The following SAMD5 variants were observed in gnomAD, a reference collection of about 807,000 sequenced individuals.
The protein encoded by SAMD5 is sterile alpha motif domain-containing protein 5.
SAMD5 carries 13 observed loss-of-function variants against 11.3 expected under a neutral mutation model. The ratio of observed to expected loss-of-function variants is 1.15; its 90% CI spans 0.75 to 1.83. The LOEUF (loss-of-function observed/expected upper bound fraction) is 1.83, where lower values mean the gene tolerates loss of function less well. SAMD5 is among the 40% of genes most tolerant of loss of function. SAMD5 has a pLI of 0.00. For missense variants in SAMD5, 255 were observed against 239.1 expected (o/e 1.07, Z -0.44); for synonymous variants, 129 against 111.3 (o/e 1.16, Z -1.00).
chr6:147,942,701 G>C, the SAMD5 span, among the ~76,000 whole-genome samples: 117,571 of 152,194 alleles, frequency 0.77, 45,955 homozygotes, highest in Non-Finnish European at 0.84. Flanking sequence ...AAGAGAATCC[G>C]CAATTAGACA....
At chr6:147,872,821 C>T in the SAMD5 span, among the ~76,000 whole-genome samples, 21 of 152,264 alleles carry the variant, frequency 1.4e-4, no homozygotes, top group African/African-American at 5.1e-4. Flanking sequence ...GGGTCAGTAC[C>T]ACCTGATGCC....
chr6:147,877,669 A>T, the SAMD5 span, among the ~76,000 whole-genome samples: 1 of 152,018 alleles, frequency 6.6e-6, no homozygotes, highest in Non-Finnish European at 1.5e-5. Context: ...TCATGTGGGT[A>T]GTCTTTATCC....
intron 1 of SAMD5, among the ~76,000 whole-genome samples, chr6:147,512,949 T>C (rs1430175287): frequency 6.6e-6 from 1 of 152,198 alleles, no homozygotes; most frequent in African/African-American, 2.4e-5. Context: ...TCTCAGTTTT[T>C]CCAGAACTGG....
intron 1 of SAMD5, among the ~76,000 whole-genome samples, chr6:147,640,786 C>A (rs577064724): frequency 2.6e-4 from 40 of 152,236 alleles, no homozygotes; most frequent in African/African-American, 9.2e-4. Context: ...AGTTGCCAAG[C>A]CAAACAGCCA....
chr6:147,714,303 G>T (rs1043912826), intron 1 of SAMD5, among the ~76,000 whole-genome samples: 20 of 152,190 alleles, frequency 1.3e-4, no homozygotes, highest in African/African-American at 4.8e-4. Context: ...TTAGTCATGA[G>T]CTGTATCTCT....
At chr6:147,754,509 G>T in the SAMD5 span, among the ~76,000 whole-genome samples, 1 of 151,962 alleles carries the variant, frequency 6.6e-6, no homozygotes, top group South Asian at 2.1e-4. Context: ...CATTCTGTGG[G>T]TTATCTACTC....
the SAMD5 span, among the ~76,000 whole-genome samples, chr6:147,926,962 G>A: frequency 2.0e-5 from 3 of 152,082 alleles, no homozygotes; most frequent in South Asian, 2.1e-4. Context: ...CAGCTTTGTC[G>A]AAGATCAGAT....
intron 1 of SAMD5, among the ~76,000 whole-genome samples, chr6:147,531,376 CA>C (rs573713035): frequency 2.4e-3 from 364 of 152,262 alleles, no homozygotes; most frequent in African/African-American, 8.3e-3. Flanking sequence ...AAATCCTGCC[CA>C]AAATTGCAGT....
chr6:147,567,907 C>G lies in SAMD5; in HGVS notation c.*3451C>G. 4 of 986,068 alleles carry G rather than the reference C, an allele frequency of 4.1e-6. No individual in the cohort carries two copies. The highest frequency in any genetic ancestry group is 4.8e-6 in the Non-Finnish European group (4 of 830,492). 61.1% of individuals were successfully genotyped at this position (986,068 alleles called of 1,614,324 possible). ...TAACACTCCATCCTGGGCAACAGAG[C>G]AAGATCCCGTCTCAAAACAAAACAA... On this transcript the variant is annotated 3_prime_UTR_variant, in exon 2 of 2. Coordinates refer to ENST00000367474, the MANE Select transcript of SAMD5 (RefSeq NM_001030060.3).
intron 1 of SAMD5, among the ~76,000 whole-genome samples, chr6:147,593,642 T>C (rs1789488460): frequency 6.6e-6 from 1 of 152,160 alleles, no homozygotes; most frequent in Non-Finnish European, 1.5e-5. Flanking sequence ...GAGAGTGACA[T>C]AACTTGAACA....
At chr6:147,668,844 AAAC>A (rs1790756989) in intron 1 of SAMD5, among the ~76,000 whole-genome samples, 1 of 152,184 alleles carries the variant, frequency 6.6e-6, no homozygotes, top group Non-Finnish European at 1.5e-5. Flanking sequence ...AAGAAACAAA[AAAC>A]AAAGTTATAT....
At chr6:147,540,090 C>T (rs890124533) in intron 1 of SAMD5, among the ~76,000 whole-genome samples, 9 of 152,022 alleles carry the variant, frequency 5.9e-5, no homozygotes, top group African/African-American at 1.7e-4. Flanking sequence ...TTTTTTCTCT[C>T]TCTTTTTTTT....
chr6:147,884,963 T>C, the SAMD5 span, among the ~76,000 whole-genome samples: 1 of 152,248 alleles, frequency 6.6e-6, no homozygotes. Flanking sequence ...TCAGACAGTG[T>C]AGCTTCCAAT....
At chr6:147,628,940 A>G (rs6929587) in intron 1 of SAMD5, among the ~76,000 whole-genome samples, 6,019 of 152,144 alleles carry the variant, frequency 0.04, 404 homozygotes, top group African/African-American at 0.14. Flanking sequence ...CTTTATCTCT[A>G]TTTCTCAGGT....
At chr6:147,885,362 A>G in the SAMD5 span, among the ~76,000 whole-genome samples, 10 of 152,286 alleles carry the variant, frequency 6.6e-5, no homozygotes, top group South Asian at 1.7e-3. Flanking sequence ...ATACATCCAA[A>G]GTTTTAGGAC....
chr6:147,839,006 C>T, the SAMD5 span, among the ~76,000 whole-genome samples: 329 of 152,360 alleles, frequency 2.2e-3, 1 homozygote, highest in African/African-American at 7.4e-3. Context: ...CATTTCTATA[C>T]AGGTAGAACA....
chr6:147,945,048 GC>G, the SAMD5 span, among the ~76,000 whole-genome samples: 1 of 152,190 alleles, frequency 6.6e-6, no homozygotes, highest in Non-Finnish European at 1.5e-5. Flanking sequence ...TCCACTGGAA[GC>G]CTTTAGAGAT....
chr6:147,604,007 C>T (rs767383242), intron 1 of SAMD5, among the ~76,000 whole-genome samples: 4 of 152,094 alleles, frequency 2.6e-5, no homozygotes, highest in Non-Finnish European at 4.4e-5. Context: ...GCCTTAATTT[C>T]CCATAGTGGT....
chr6:147,554,273 G>A (rs974561014), intron 1 of SAMD5, among the ~76,000 whole-genome samples: 2 of 152,118 alleles, frequency 1.3e-5, no homozygotes, highest in Non-Finnish European at 2.9e-5. Context: ...ATGATACATG[G>A]GGAATTTTGA....
Sources: allele counts gnomAD v4.1 joint callset (sites outside exome capture counted in the v4.1 genomes callset), GRCh38; gene constraint gnomAD v4.1.1; transcripts MANE v1.5; gene names NCBI Gene and HGNC (gene_info 2026-07-23, HGNC 2026-07-21).